The following PTPRQ variants were observed in gnomAD, a reference collection of about 807,000 sequenced individuals.
PTPRQ encodes protein tyrosine phosphatase receptor type Q.
Under a neutral mutation model 246.0 loss-of-function variants are expected in PTPRQ, and 199 were observed. The observed-to-expected ratio is 0.81, with a 90% CI of 0.72 to 0.91. PTPRQ has a LOEUF of 0.91. Ranked by LOEUF, PTPRQ falls within the 40% of genes least tolerant of loss-of-function variation. The pLI is 0.00. For synonymous variants in PTPRQ, 869 were observed against 853.2 expected (o/e 1.02, Z -0.32); for missense variants, 2,624 against 2,528.4 (o/e 1.04, Z -0.81).
chr12:80,475,587 G>A (rs1054234608), intron 8 of PTPRQ, among the ~76,000 whole-genome samples: 11 of 152,018 alleles, frequency 7.2e-5, no homozygotes, highest in Admixed American at 6.6e-5. Flanking sequence ...TGGTCTAACA[G>A]ATCAAGTATC....
chr12:80,580,851 G>T (rs1213910893), intron 25 of PTPRQ, among the ~76,000 whole-genome samples: 1 of 152,120 alleles, frequency 6.6e-6, no homozygotes, highest in Non-Finnish European at 1.5e-5. Flanking sequence ...ATAATAGGAG[G>T]CTGAAATTGT....
chr12:80,635,263 T>G (rs1899601984), intron 35 of PTPRQ, among the ~76,000 whole-genome samples, 190 bp downstream of exon 35: 1 of 152,216 alleles, frequency 6.6e-6, no homozygotes, highest in Non-Finnish European at 1.5e-5. Context: ...ATCTTCCTAA[T>G]ATTTTGAGTT....
intron 25 of PTPRQ, among the ~76,000 whole-genome samples, chr12:80,550,306 C>T (rs939844509): frequency 2.0e-5 from 3 of 152,116 alleles, no homozygotes; most frequent in African/African-American, 7.2e-5. Context: ...ATTCTACCTG[C>T]TTATATAAAT....
chr12:80,663,603 C>T (rs112498145), intron 39 of PTPRQ, among the ~76,000 whole-genome samples: 2 of 151,902 alleles, frequency 1.3e-5, no homozygotes, highest in South Asian at 2.1e-4. Context: ...GATTTCACTC[C>T]GGGATCACTG....
At chr12:80,676,453 A>T (rs1371790429) in intron 43 of PTPRQ, among the ~76,000 whole-genome samples, 1 of 151,784 alleles carries the variant, frequency 6.6e-6, no homozygotes, top group African/African-American at 2.4e-5. Flanking sequence ...GACCAGCCTG[A>T]CCAACATGGT....
chr12:80,462,950 A>C (rs961991741), intron 6 of PTPRQ, among the ~76,000 whole-genome samples: 28 of 152,168 alleles, frequency 1.8e-4, no homozygotes, highest in African/African-American at 6.5e-4. Context: ...AACTCTAAAA[A>C]GCAGAGCACC....
intron 4 of PTPRQ, among the ~76,000 whole-genome samples, chr12:80,457,903 T>G (rs564515588): frequency 6.6e-6 from 1 of 152,190 alleles, no homozygotes; most frequent in African/African-American, 2.4e-5. Flanking sequence ...TCCATAGACT[T>G]ATCATATAAA....
intron 9 of PTPRQ, among the ~76,000 whole-genome samples, chr12:80,487,816 A>G (rs1326381999): frequency 6.6e-6 from 1 of 152,074 alleles, no homozygotes; most frequent in Admixed American, 6.6e-5. Flanking sequence ...GTTCCATAAC[A>G]ATTTTCCACA....
At chr12:80,609,880 A>G (rs917225349) in intron 27 of PTPRQ, among the ~76,000 whole-genome samples, 1 of 150,678 alleles carries the variant, frequency 6.6e-6, no homozygotes, top group Non-Finnish European at 1.5e-5. Context: ...TATCTTCTGA[A>G]TTATGTTACA....
At chr12:80,470,606 C>G (rs1370781049) in intron 7 of PTPRQ, among the ~76,000 whole-genome samples, 1 of 152,070 alleles carries the variant, frequency 6.6e-6, no homozygotes, top group Non-Finnish European at 1.5e-5. Flanking sequence ...TGGCTTTGTG[C>G]TGTAAATGAG....
chr12:80,632,265 TG>T lies in PTPRQ; in HGVS notation c.5762del (p.Gly1921GlufsTer32), dbSNP rs1415933459. 6.4e-7 allele frequency: 1 copy of T among 1,551,266 alleles called. No homozygotes were observed. Among genetic ancestry groups the T allele is most frequent in the Non-Finnish European group, 8.7e-7 (1 of 1,146,864 alleles). On this transcript the variant is annotated frameshift_variant, in exon 34 of 45. Transcript: ENST00000644991. LOFTEE classifies it high-confidence loss of function. Reference sequence around the variant, plus strand: ...TGTGTATCCTTTCAATAATTCTCCTTGGAACAGCTATTTTTGCATTTGCAAG... The same window carrying T: ...TGTGTATCCTTTCAATAATTCTCCTTGAACAGCTATTTTTGCATTTGCAAG... The part of the protein sequence containing the change: ...TLCILSIILL[G>X]TAIFAFARIR...
At chr12:80,577,223 A>G (rs1897299058) in intron 25 of PTPRQ, among the ~76,000 whole-genome samples, 1 of 152,228 alleles carries the variant, frequency 6.6e-6, no homozygotes, top group African/African-American at 2.4e-5. Context: ...GGCAATTTAT[A>G]ATGGAAAGAA....
At position 80,648,110 on chromosome 12, in the gene PTPRQ, C is replaced by T. The variant is rs113930524; in HGVS notation, c.5916-787C>T. On this transcript the variant is annotated intron_variant, in intron 35 of 44. Coordinates refer to ENST00000644991, the MANE Select transcript of PTPRQ (RefSeq NM_001145026.2). ...TTTATTCATTCTTTGCTTCAAAAAA[C>T]ATATCTTCTTACAAATATTCTTCAA... 5.8e-3 allele frequency among the ~76,000 whole-genome samples: 887 copies of T among 151,950 alleles called. 8 individuals carry two copies. The highest frequency in any genetic ancestry group is 0.02 in the African/African-American group (816 of 41,478).
intron 26 of PTPRQ, among the ~76,000 whole-genome samples, chr12:80,603,139 A>G (rs1327752557): frequency 6.6e-6 from 1 of 151,712 alleles, no homozygotes; most frequent in Non-Finnish European, 1.5e-5. Context: ...ATTTGCACCC[A>G]CATCAAATTA....
intron 35 of PTPRQ, among the ~76,000 whole-genome samples, chr12:80,643,233 T>C (rs944566450): frequency 4.0e-5 from 6 of 151,548 alleles, no homozygotes; most frequent in East Asian, 3.9e-4. Flanking sequence ...AGGTCAGGAG[T>C]TCGAGACCAG....
At chr12:80,473,647 A>T (rs1893724901) in intron 8 of PTPRQ, among the ~76,000 whole-genome samples, 9 of 152,248 alleles carry the variant, frequency 5.9e-5, no homozygotes, top group Admixed American at 5.9e-4. Context: ...ACAGCATGTG[A>T]CAAAAATAGG....
chr12:80,563,884 A>C, intron 25 of PTPRQ, among the ~76,000 whole-genome samples: 1 of 152,116 alleles, frequency 6.6e-6, no homozygotes, highest in Non-Finnish European at 1.5e-5. Flanking sequence ...TATTACTGCT[A>C]AGAGAGAGAA....
At chr12:80,675,696 A>AT (rs1162180474) in intron 43 of PTPRQ, among the ~76,000 whole-genome samples, 1 of 152,186 alleles carries the variant, frequency 6.6e-6, no homozygotes, top group African/African-American at 2.4e-5. Context: ...ATTTTACCCA[A>AT]TTTAGTAGTC....
chr12:80,500,818 A>AGTTTCT (rs1894776498), intron 14 of PTPRQ, among the ~76,000 whole-genome samples: 1 of 152,012 alleles, frequency 6.6e-6, no homozygotes, highest in Non-Finnish European at 1.5e-5. Flanking sequence ...ACTTGACACT[A>AGTTTCT]GACAATCAGA....
Sources: gnomAD v4.1 joint callset for allele counts (sites outside exome capture counted in the v4.1 genomes callset) on GRCh38, gnomAD v4.1.1 for gene constraint, MANE v1.5 for transcripts, NCBI Gene and HGNC (gene_info 2026-07-23, HGNC 2026-07-21) for gene names.